The following MPPED2 variants were observed in gnomAD, a reference collection of about 807,000 sequenced individuals.
MPPED2 encodes metallophosphoesterase MPPED2.
A neutral mutation model predicts 33.0 loss-of-function variants in MPPED2; 5 were observed. The ratio of observed to expected loss-of-function variants is 0.15; its 90% confidence interval spans 0.08 to 0.32. The LOEUF is 0.32. Ranked by LOEUF, MPPED2 falls within the 10% of genes least tolerant of loss-of-function variation. The pLI, the probability that MPPED2 is intolerant of heterozygous loss-of-function variation, is 1.00. For missense variants in MPPED2, 275 were observed against 372.1 expected (o/e 0.74, Z 2.15); for synonymous variants, 136 against 141.9 (o/e 0.96, Z 0.29).
intron 2 of MPPED2, among the ~76,000 whole-genome samples, chr11:30,562,159 AT>A (rs1956265405): frequency 6.6e-6 from 1 of 152,186 alleles, no homozygotes; most frequent in Non-Finnish European, 1.5e-5. Context: ...AATGTAAGCC[AT>A]TATCCAAGCC....
chr11:30,425,073 A>C (rs1368809577), intron 4 of MPPED2, among the ~76,000 whole-genome samples: 2 of 152,142 alleles, frequency 1.3e-5, no homozygotes, highest in Admixed American at 6.5e-5. Context: ...CCTTGGGATG[A>C]AAAGAGATAT....
intron 4 of MPPED2, among the ~76,000 whole-genome samples, chr11:30,457,977 G>A (rs1425674900): frequency 6.6e-6 from 1 of 152,142 alleles, no homozygotes; most frequent in Non-Finnish European, 1.5e-5. Context: ...TATCGGGCAG[G>A]GCTGGAATGT....
At chr11:30,397,730 C>T (rs878907444) in intron 6 of MPPED2, among the ~76,000 whole-genome samples, 2 of 152,036 alleles carry the variant, frequency 1.3e-5, no homozygotes, top group Admixed American at 1.3e-4. Context: ...GAAACAGGCT[C>T]CAAGAGATTA....
At chr11:30,528,559 A>G (rs1363607289) in intron 3 of MPPED2, among the ~76,000 whole-genome samples, 1 of 152,086 alleles carries the variant, frequency 6.6e-6, no homozygotes, top group Non-Finnish European at 1.5e-5. Flanking sequence ...GCCTGGCCTC[A>G]TTGTTTACAT....
intron 2 of MPPED2, among the ~76,000 whole-genome samples, chr11:30,568,767 G>A (rs1956562402): frequency 6.6e-6 from 1 of 152,210 alleles, no homozygotes; most frequent in South Asian, 2.1e-4. Flanking sequence ...CCTCCAATGG[G>A]GGGTACCTGT....
chr11:30,436,919 T>A (rs958664245), intron 4 of MPPED2, among the ~76,000 whole-genome samples: 2 of 152,204 alleles, frequency 1.3e-5, no homozygotes, highest in Non-Finnish European at 1.5e-5. Flanking sequence ...AATAAAGACA[T>A]CATCTCCTGC....
exon 7 of MPPED2, chr11:30,385,844 T>C (rs1402685419): frequency 2.6e-5 from 4 of 152,210 alleles, no homozygotes; most frequent in Non-Finnish European, 5.9e-5. Flanking sequence ...AGAAAGTTTC[T>C]CTGTTGTCAC....
intron 6 of MPPED2, among the ~76,000 whole-genome samples, chr11:30,413,950 C>T (rs958482019): frequency 4.6e-5 from 7 of 152,158 alleles, no homozygotes; most frequent in African/African-American, 9.7e-5. Context: ...AAACATTCCT[C>T]GTTAAAGCCC....
chr11:30,579,190 G>C (rs1164179378), intron 2 of MPPED2, among the ~76,000 whole-genome samples: 2 of 151,150 alleles, frequency 1.3e-5, no homozygotes, highest in Non-Finnish European at 2.9e-5. Flanking sequence ...ATTCCAGGGT[G>C]GGGGGGTGTG....
At position 30,503,166 on chromosome 11, in the gene MPPED2, T is replaced by A. The variant is rs1309065565; in HGVS notation, c.311-7645A>T. 2.0e-5 allele frequency among the ~76,000 whole-genome samples: 3 copies of A among 152,144 alleles called. No homozygotes were observed. The East Asian group carries it at 5.8e-4, about 29-fold the overall frequency. ...GATAGTAAGTTCTCACGAGATTTGA[T>A]GGTTTTATAAGGGGCTTTACCTCCT... On this transcript the variant is annotated intron_variant, in intron 3 of 6. Coordinates refer to ENST00000358117, the MANE Select transcript of MPPED2 (RefSeq NM_001584.3).
intron 3 of MPPED2, among the ~76,000 whole-genome samples, chr11:30,500,890 AG>A (rs1175991178): frequency 2.6e-5 from 4 of 152,312 alleles, no homozygotes; most frequent in Admixed American, 1.3e-4. Flanking sequence ...ATAGAATTCC[AG>A]GAACTCGGGT....
intron 3 of MPPED2, chr11:30,504,843 A>C: frequency 8.0e-7 from 1 of 1,253,158 alleles, no homozygotes; most frequent in South Asian, 1.2e-5. Flanking sequence ...TCTAAGAAAT[A>C]TTAAACACAG....
At chr11:30,521,000 T>C (rs1953843853) in intron 3 of MPPED2, among the ~76,000 whole-genome samples, 1 of 152,050 alleles carries the variant, frequency 6.6e-6, no homozygotes. Context: ...TACTGAAAAT[T>C]TTTAAATGAA....
chr11:30,537,680 T>C (rs1026559248), intron 2 of MPPED2, among the ~76,000 whole-genome samples: 2 of 151,724 alleles, frequency 1.3e-5, no homozygotes, highest in African/African-American at 2.4e-5. Context: ...AGGAGGAGAG[T>C]AGGGAGGAAG....
intron 4 of MPPED2, among the ~76,000 whole-genome samples, chr11:30,465,507 G>A (rs980851623): frequency 2.0e-5 from 3 of 152,200 alleles, no homozygotes; most frequent in Admixed American, 6.5e-5. Flanking sequence ...GCATAGTCTG[G>A]TCTTGAACTC....
chr11:30,554,653 C>T (rs1374817369), intron 2 of MPPED2, among the ~76,000 whole-genome samples: 1 of 151,972 alleles, frequency 6.6e-6, no homozygotes, highest in African/African-American at 2.4e-5. Context: ...TGCCACGACG[C>T]CCAGCTAATT....
rs1554919022 is a variant in MPPED2, at chr11:30,583,134, C to CTTTTTTTCTTTTTTTTTTTTTTT, written c.-121-2641_-121-2640insAAAAAAAAAAAAAAAGAAAAAAA. Reference sequence around the variant, plus strand: ...CACAAACACCTGGAAAAGACTTTTTCTTTTTTTTTTTTTTTTTTTTTTTTT... The same window carrying CTTTTTTTCTTTTTTTTTTTTTTT: ...CACAAACACCTGGAAAAGACTTTTTCTTTTTTTCTTTTTTTTTTTTTTTTTTTTTTTTTTTTTTTTTTTTTTTT... On this transcript the variant is annotated intron_variant, in intron 1 of 6. Transcript: ENST00000358117. 2.7e-3 allele frequency among the ~76,000 whole-genome samples: 259 copies of CTTTTTTTCTTTTTTTTTTTTTTT among 96,614 alleles called. 14 individuals carry two copies. Among genetic ancestry groups the CTTTTTTTCTTTTTTTTTTTTTTT allele is most frequent in the Middle Eastern group, 6.0e-3 (1 of 168 alleles). The allele number at this position is 96,614 out of a possible 152,430, so 63.4% of individuals were successfully genotyped here. A position where few individuals can be genotyped will look rare whatever the true frequency, so the allele number is the denominator to read the frequency against.
chr11:30,397,556 A>G (rs1258271404), intron 6 of MPPED2, among the ~76,000 whole-genome samples: 1 of 152,176 alleles, frequency 6.6e-6, no homozygotes, highest in Non-Finnish European at 1.5e-5. Context: ...AAGATAAGTC[A>G]TAAAACAACC....
intron 6 of MPPED2, among the ~76,000 whole-genome samples, chr11:30,400,971 G>T (rs923204777): frequency 3.3e-5 from 5 of 152,060 alleles, no homozygotes; most frequent in Non-Finnish European, 5.9e-5. Flanking sequence ...GTCTTGCCAG[G>T]TTGCCCAGGC....
Sources: allele counts gnomAD v4.1 joint callset (sites outside exome capture counted in the v4.1 genomes callset), GRCh38; gene constraint gnomAD v4.1.1; transcripts MANE v1.5; gene names NCBI Gene and HGNC (gene_info 2026-07-23, HGNC 2026-07-21).